C12orf42: variants seen among roughly 807,000 people sequenced by gnomAD.
C12orf42 encodes chromosome 12 open reading frame 42, also known as uncharacterized protein C12orf42.
Under a neutral mutation model 21.6 loss-of-function variants are expected in C12orf42, and 25 were observed. The ratio of observed to expected loss-of-function variants is 1.16; its 90% CI spans 0.84 to 1.62. C12orf42 has a LOEUF of 1.62. C12orf42 is among the 40% of genes most tolerant of loss of function. C12orf42 has a pLI of 0.00. For missense variants in C12orf42, 483 were observed against 459.3 expected (o/e 1.05, Z -0.47); for synonymous variants, 174 against 175.0 (o/e 0.99, Z 0.05).
At chr12:103,067,064 G>T in the C12orf42 span, among the ~76,000 whole-genome samples, 1 of 152,188 alleles carries the variant, frequency 6.6e-6, no homozygotes. Context: ...CAGCAGCAGA[G>T]ACAAACACTG....
chr12:103,219,104 C>G, the C12orf42 span, among the ~76,000 whole-genome samples: 1 of 152,136 alleles, frequency 6.6e-6, no homozygotes, highest in African/African-American at 2.4e-5. Context: ...AGCCAGGGAG[C>G]CAAGTGGTCT....
chr12:103,358,691 G>C (rs1331993765), intron 4 of C12orf42, among the ~76,000 whole-genome samples: 1 of 151,642 alleles, frequency 6.6e-6, no homozygotes. Flanking sequence ...CATTAGTGAA[G>C]TTTACTGGTT....
the C12orf42 span, among the ~76,000 whole-genome samples, chr12:103,201,184 T>G: frequency 4.6e-5 from 7 of 152,360 alleles, no homozygotes; most frequent in East Asian, 1.3e-3. Context: ...TGACCAATGC[T>G]GGCTGCCAGT....
rs937950626 is a variant in C12orf42 at position 103,434,761 on chromosome 12, C to G, written c.79-33086G>C. ...GCTTGGAGGGTCCTACGCCCACGGACTCTTGCTGATTGCTAGCACAGCAGT... is the reference window on the plus strand; with the variant it reads ...GCTTGGAGGGTCCTACGCCCACGGAGTCTTGCTGATTGCTAGCACAGCAGT... On this transcript the variant is annotated intron_variant, in intron 2 of 5. Coordinates refer to ENST00000548883, the MANE Select transcript of C12orf42 (RefSeq NM_198521.5). Among the ~76,000 whole-genome samples, 4 of 152,330 alleles carry G rather than the reference C, an allele frequency of 2.6e-5. 1 individual carries two copies. In the South Asian group the frequency reaches 6.2e-4, roughly 24 times the overall value.
chr12:103,209,754 C>T, the C12orf42 span, among the ~76,000 whole-genome samples: 1 of 152,182 alleles, frequency 6.6e-6, no homozygotes, highest in Non-Finnish European at 1.5e-5. Context: ...CTTGCTCTTC[C>T]TCATTGTGCA....
the C12orf42 span, among the ~76,000 whole-genome samples, chr12:103,546,356 C>A: frequency 1.1e-3 from 165 of 152,250 alleles, 1 homozygote; most frequent in Non-Finnish European, 1.9e-3. Context: ...TGTCAGTGTT[C>A]CCTCTGAAAG....
At chr12:103,344,981 C>T (rs1167833486) in intron 4 of C12orf42, among the ~76,000 whole-genome samples, 2 of 152,164 alleles carry the variant, frequency 1.3e-5, no homozygotes, top group Non-Finnish European at 2.9e-5. Flanking sequence ...GATGGCAGTA[C>T]AACTTAGTAG....
the C12orf42 span, among the ~76,000 whole-genome samples, chr12:103,224,184 G>A: frequency 6.6e-6 from 1 of 152,334 alleles, no homozygotes; most frequent in African/African-American, 2.4e-5. Context: ...AGGTCACGTT[G>A]AGTAAAGCTA....
the C12orf42 span, among the ~76,000 whole-genome samples, chr12:103,175,715 G>A: frequency 1.3e-5 from 2 of 152,142 alleles, no homozygotes; most frequent in Non-Finnish European, 2.9e-5. Context: ...GGCTGTATTT[G>A]GGTATATGAC....
At chr12:103,366,302 C>A (rs1189706361) in intron 4 of C12orf42, among the ~76,000 whole-genome samples, 1 of 152,008 alleles carries the variant, frequency 6.6e-6, no homozygotes, top group Non-Finnish European at 1.5e-5. Flanking sequence ...TCACATTATA[C>A]AAAATTCTAC....
At chr12:103,522,902 T>C in the C12orf42 span, among the ~76,000 whole-genome samples, 151 of 152,352 alleles carry the variant, frequency 9.9e-4, 1 homozygote, top group African/African-American at 3.4e-3. Flanking sequence ...GAGGCTACTC[T>C]GCTAGACTCA....
At chr12:103,116,828 A>G in the C12orf42 span, among the ~76,000 whole-genome samples, 3 of 152,214 alleles carry the variant, frequency 2.0e-5, no homozygotes, top group African/African-American at 7.2e-5. Flanking sequence ...TACCTTGCTT[A>G]TGATCACACT....
intron 2 of C12orf42, among the ~76,000 whole-genome samples, chr12:103,408,015 ACC>A (rs577488747): frequency 1.3e-5 from 2 of 151,986 alleles, no homozygotes; most frequent in African/African-American, 4.8e-5. Context: ...TAACAATGGC[ACC>A]CCCCTCTTTG....
At chr12:103,357,839 T>C (rs1450248990) in intron 4 of C12orf42, among the ~76,000 whole-genome samples, 1 of 152,130 alleles carries the variant, frequency 6.6e-6, no homozygotes, top group African/African-American at 2.4e-5. Context: ...TTACCACCAC[T>C]GAAACTCTAG....
At chr12:103,198,040 A>C in the C12orf42 span, among the ~76,000 whole-genome samples, 1 of 152,356 alleles carries the variant, frequency 6.6e-6, no homozygotes, top group Non-Finnish European at 1.5e-5. Flanking sequence ...ATCCACAGTC[A>C]CATGTGTGTG....
intron 1 of C12orf42, among the ~76,000 whole-genome samples, chr12:103,482,794 T>G (rs1458675647): frequency 2.0e-5 from 3 of 152,128 alleles, no homozygotes; most frequent in African/African-American, 7.2e-5. Context: ...TTTTGTTTAT[T>G]TTTTCTTTTT....
At chr12:103,149,937 T>C in the C12orf42 span, among the ~76,000 whole-genome samples, 1 of 152,224 alleles carries the variant, frequency 6.6e-6, no homozygotes, top group Non-Finnish European at 1.5e-5. Context: ...AGTCTGGGAA[T>C]GTTATAACTC....
At chr12:103,273,916 A>T (rs1302124666) in intron 5 of C12orf42, 1 of 456,074 alleles carries the variant, frequency 2.2e-6, no homozygotes, top group African/African-American at 2.0e-5. Context: ...GGACGAGCAG[A>T]AAAGTGCTTT....
the C12orf42 span, among the ~76,000 whole-genome samples, chr12:103,171,239 C>T: frequency 6.6e-6 from 1 of 152,102 alleles, no homozygotes; most frequent in Non-Finnish European, 1.5e-5. Context: ...TATCACTTAT[C>T]AATAACTGAG....
Sources: gnomAD v4.1 joint callset for allele counts (sites outside exome capture counted in the v4.1 genomes callset) on GRCh38, gnomAD v4.1.1 for gene constraint, MANE v1.5 for transcripts, NCBI Gene and HGNC (gene_info 2026-07-23, HGNC 2026-07-21) for gene names.